TMEM266: variants seen among roughly 807,000 people sequenced by gnomAD.
The protein encoded by TMEM266 is transmembrane protein 266.
TMEM266 carries 33 observed loss-of-function variants against 50.5 expected under a neutral mutation model. The ratio of observed to expected loss-of-function variants is 0.65; its 90% confidence interval spans 0.50 to 0.87. The LOEUF (loss-of-function observed/expected upper bound fraction) is 0.87, where lower values mean the gene tolerates loss of function less well. Among genes scored for constraint, TMEM266 ranks in the 40% least tolerant of loss-of-function variants. The pLI, the probability that TMEM266 is intolerant of heterozygous loss-of-function variation, is 0.00. For synonymous variants in TMEM266, 310 were observed against 292.3 expected (o/e 1.06, Z -0.62); for missense variants, 655 against 695.1 (o/e 0.94, Z 0.65).
chr15:76,183,534 G>GC (rs1002675002), intron 8 of TMEM266, among the ~76,000 whole-genome samples: 1 of 152,124 alleles, frequency 6.6e-6, no homozygotes, highest in Admixed American at 6.6e-5. Flanking sequence ...ATATTGCTCT[G>GC]CCCCCGTTTT....
At chr15:76,066,600 C>T (rs1277315935) in intron 1 of TMEM266, among the ~76,000 whole-genome samples, 1 of 148,966 alleles carries the variant, frequency 6.7e-6, no homozygotes, top group Non-Finnish European at 1.5e-5. Flanking sequence ...GTGAAGAGGG[C>T]ATTGAAGTTG....
intron 1 of TMEM266, among the ~76,000 whole-genome samples, chr15:76,114,361 AG>A (rs2142013953): frequency 6.6e-6 from 1 of 152,158 alleles, no homozygotes; most frequent in East Asian, 1.9e-4. Flanking sequence ...CTCTACAAAA[AG>A]TACAAAAATT....
chr15:76,158,779 G>A (rs918804738), intron 4 of TMEM266, among the ~76,000 whole-genome samples: 1 of 152,210 alleles, frequency 6.6e-6, no homozygotes, highest in Non-Finnish European at 1.5e-5. Flanking sequence ...GTTCCCACTG[G>A]TATTCATGTG....
intron 3 of TMEM266, among the ~76,000 whole-genome samples, chr15:76,143,002 T>C (rs2955727): frequency 0.43 from 65,437 of 152,010 alleles, 15,615 homozygotes; most frequent in East Asian, 0.62. Context: ...GCCTCAAGTC[T>C]CCTCTTTCTT....
intron 1 of TMEM266, among the ~76,000 whole-genome samples, chr15:76,105,424 C>T (rs140360203): frequency 7.9e-5 from 12 of 152,290 alleles, no homozygotes; most frequent in Non-Finnish European, 1.3e-4. Flanking sequence ...GAATGCTAAT[C>T]GTGTCACTTT....
chr15:76,140,128 T>G (rs1029938745), intron 3 of TMEM266, among the ~76,000 whole-genome samples: 3 of 152,212 alleles, frequency 2.0e-5, no homozygotes, highest in Non-Finnish European at 4.4e-5. Context: ...TTGATTTGAA[T>G]CTCCAGGTGT....
At chr15:76,162,433 TCTC>T (rs1393244644) in intron 5 of TMEM266, among the ~76,000 whole-genome samples, 1 of 151,914 alleles carries the variant, frequency 6.6e-6, no homozygotes, top group Non-Finnish European at 1.5e-5. Flanking sequence ...CTCATGGAGG[TCTC>T]CTGCCTCCAG....
intron 1 of TMEM266, among the ~76,000 whole-genome samples, chr15:76,108,190 G>A (rs2037114683): frequency 6.6e-6 from 1 of 152,216 alleles, no homozygotes; most frequent in African/African-American, 2.4e-5. Context: ...CTGGCAGGAG[G>A]GCAGCACGAA....
At chr15:76,158,213 T>C (rs940853255) in intron 4 of TMEM266, among the ~76,000 whole-genome samples, 3 of 152,152 alleles carry the variant, frequency 2.0e-5, no homozygotes, top group Admixed American at 2.0e-4. Context: ...ACATGAGCCT[T>C]CTCTGCTCTC....
intron 1 of TMEM266, among the ~76,000 whole-genome samples, chr15:76,099,015 C>T (rs931489051): frequency 1.3e-5 from 2 of 152,178 alleles, no homozygotes; most frequent in African/African-American, 4.8e-5. Flanking sequence ...CTTTGCTGGG[C>T]TCCATGGTGG....
At chr15:76,074,207 G>A (rs1274396844) in intron 1 of TMEM266, among the ~76,000 whole-genome samples, 1 of 151,980 alleles carries the variant, frequency 6.6e-6, no homozygotes, top group Non-Finnish European at 1.5e-5. Context: ...TATCCTTTCA[G>A]ACTGGTTATT....
intron 1 of TMEM266, among the ~76,000 whole-genome samples, chr15:76,084,838 TG>T (rs1428879069): frequency 1.7e-4 from 26 of 152,106 alleles, no homozygotes; most frequent in African/African-American, 5.3e-4. Flanking sequence ...CCTGACCTCG[TG>T]ATCTGCCTGC....
intron 9 of TMEM266, among the ~76,000 whole-genome samples, 193 bp downstream of exon 9, chr15:76,192,350 GT>G (rs201956429): frequency 0.045 from 6,823 of 152,320 alleles, 327 homozygotes; most frequent in African/African-American, 0.12. Context: ...GAGAGAGCAT[GT>G]AGTCCAGCCA....
chr15:76,064,397 CT>C (rs199644722), intron 1 of TMEM266, among the ~76,000 whole-genome samples: 2,399 of 152,296 alleles, frequency 0.016, 67 homozygotes, highest in African/African-American at 0.052. Context: ...CCACATATAT[CT>C]TTCATTCATC....
At chr15:76,065,480 G>A (rs949239162) in intron 1 of TMEM266, among the ~76,000 whole-genome samples, 5 of 152,060 alleles carry the variant, frequency 3.3e-5, no homozygotes, top group East Asian at 3.9e-4. Context: ...AGCGGTGTCC[G>A]TGTCTATCTG....
In TMEM266 at chr15:76,204,841, C is replaced by G. The variant is rs1292765625; in HGVS notation, c.*526C>G. 1 of 153,084 alleles carries G rather than the reference C, an allele frequency of 6.5e-6. No homozygotes were observed. Among genetic ancestry groups the G allele is most frequent in the African/African-American group, 2.4e-5 (1 of 41,442 alleles). 9.5% of individuals were successfully genotyped at this position (153,084 alleles called of 1,614,324 possible). On this transcript the variant is annotated 3_prime_UTR_variant, in exon 11 of 11. Coordinates refer to ENST00000388942, the MANE Select transcript of TMEM266 (RefSeq NM_152335.3). The stretch of plus-strand genomic sequence containing the variant: ...GTTTCTGAGTCTCTTCAAGACGAAT[C>G]TAGTTTTCACCTTCACAGGATATAA...
chr15:76,110,866 A>G (rs1453364750), intron 1 of TMEM266, among the ~76,000 whole-genome samples: 1 of 152,244 alleles, frequency 6.6e-6, no homozygotes. Context: ...TACAGATGTC[A>G]AATAAGCATA....
At chr15:76,141,652 C>T (rs2037680875) in intron 3 of TMEM266, among the ~76,000 whole-genome samples, 1 of 152,188 alleles carries the variant, frequency 6.6e-6, no homozygotes, top group Non-Finnish European at 1.5e-5. Flanking sequence ...AGGACATACA[C>T]ATTGTTGGGT....
At chr15:76,101,306 G>A (rs1158380600) in intron 1 of TMEM266, among the ~76,000 whole-genome samples, 1 of 152,186 alleles carries the variant, frequency 6.6e-6, no homozygotes, top group Non-Finnish European at 1.5e-5. Flanking sequence ...ATCTGAGTAA[G>A]GATCAGGACC....
Sources: gnomAD v4.1 joint callset for allele counts (sites outside exome capture counted in the v4.1 genomes callset) on GRCh38, gnomAD v4.1.1 for gene constraint, MANE v1.5 for transcripts, NCBI Gene and HGNC (gene_info 2026-07-23, HGNC 2026-07-21) for gene names.